Variants in RTL4 observed in about 807,000 individuals in gnomAD.
RTL4 encodes retrotransposon Gag like 4, also known as retrotransposon Gag-like protein 4.
RTL4 carries 4 observed loss-of-function variants against 5.3 expected under a neutral mutation model. That is an observed-to-expected ratio of 0.75 (90% CI 0.37 to 1.72). The LOEUF is 1.72. RTL4 is among the 40% of genes most tolerant of loss of function. The pLI is 0.04. For synonymous variants in RTL4, 98 were observed against 87.3 expected (o/e 1.12, Z -0.68); for missense variants, 260 against 227.1 (o/e 1.14, Z -0.93).
chrX:112,334,911 A>G, the RTL4 span, among the ~76,000 whole-genome samples: 2 of 111,840 alleles, frequency 1.8e-5, no homozygotes, highest in East Asian at 2.8e-4. Flanking sequence ...ATTCATAACA[A>G]TGTTGGTTGG....
At chrX:112,285,792 G>T in the RTL4 span, among the ~76,000 whole-genome samples, 1 of 110,913 alleles carries the variant, frequency 9.0e-6, no homozygotes, top group Non-Finnish European at 1.9e-5. Context: ...GTACTATGTA[G>T]CTTCTTACTG....
chrX:112,126,479 T>G, the RTL4 span, among the ~76,000 whole-genome samples: 1 of 110,968 alleles, frequency 9.0e-6, no homozygotes, highest in African/African-American at 3.3e-5. Flanking sequence ...AAGACAGATC[T>G]CAAATCAATA....
the RTL4 span, among the ~76,000 whole-genome samples, chrX:112,164,246 G>A: frequency 9.0e-6 from 1 of 110,936 alleles, no homozygotes; most frequent in Non-Finnish European, 1.9e-5. Context: ...GGAGAAGAGT[G>A]CATGGTAAAC....
At chrX:112,405,809 C>T in the RTL4 span, among the ~76,000 whole-genome samples, 1 of 110,822 alleles carries the variant, frequency 9.0e-6, no homozygotes, top group Non-Finnish European at 1.9e-5. Context: ...CTTCATATCA[C>T]TGAAAGAGGC....
the RTL4 span, among the ~76,000 whole-genome samples, chrX:112,199,311 C>T: frequency 9.6e-6 from 1 of 104,612 alleles, no homozygotes; most frequent in Admixed American, 1.0e-4. Context: ...AAAAAAAAGA[C>T]CTGAGGCAGA....
the RTL4 span, among the ~76,000 whole-genome samples, chrX:112,263,886 G>T: frequency 9.0e-6 from 1 of 111,526 alleles, no homozygotes; most frequent in Non-Finnish European, 1.9e-5. Context: ...CCTTGAATTC[G>T]TGCAATTTTT....
At chrX:112,150,228 A>G in the RTL4 span, among the ~76,000 whole-genome samples, 1 of 111,747 alleles carries the variant, frequency 8.9e-6, no homozygotes, top group Non-Finnish European at 1.9e-5. Flanking sequence ...GCTGAAATAA[A>G]TGATGGTGAT....
At chrX:112,306,383 C>T in the RTL4 span, among the ~76,000 whole-genome samples, 1 of 111,322 alleles carries the variant, frequency 9.0e-6, no homozygotes, top group Non-Finnish European at 1.9e-5. Context: ...TGCAGGGCTC[C>T]AGGAGAAGAA....
At chrX:112,169,071 T>TCTTC in the RTL4 span, among the ~76,000 whole-genome samples, 2 of 61,022 alleles carry the variant, frequency 3.3e-5, no homozygotes, top group African/African-American at 6.6e-5. Flanking sequence ...TTTCTTTCTT[T>TCTTC]TTTCTTTCTT....
At chrX:112,245,780 T>C in the RTL4 span, among the ~76,000 whole-genome samples, 1 of 112,518 alleles carries the variant, frequency 8.9e-6, no homozygotes, top group Non-Finnish European at 1.9e-5. Flanking sequence ...AGAGGCACTC[T>C]GATTTTCAGA....
the RTL4 span, among the ~76,000 whole-genome samples, chrX:112,448,450 T>C: frequency 2.7e-5 from 3 of 111,689 alleles, no homozygotes; most frequent in African/African-American, 9.8e-5. Flanking sequence ...GAGGGTCATA[T>C]TCCAGATTGC....
the RTL4 span, among the ~76,000 whole-genome samples, chrX:112,157,064 TTGTG>T: frequency 0.029 from 2,837 of 96,454 alleles, 96 homozygotes; most frequent in Admixed American, 0.1. Context: ...GTTATACTGT[TTGTG>T]TGTGTGTGTG....
At chrX:112,101,359 A>T in the RTL4 span, among the ~76,000 whole-genome samples, 503 of 112,200 alleles carry the variant, frequency 4.5e-3, 3 homozygotes, top group African/African-American at 0.015. Context: ...AAGCATGTTA[A>T]CAATTTAGGG....
At chrX:112,278,935 C>T in the RTL4 span, among the ~76,000 whole-genome samples, 1 of 111,411 alleles carries the variant, frequency 9.0e-6, no homozygotes, top group Non-Finnish European at 1.9e-5. Context: ...ATTTAGAGAG[C>T]AGCTGCAATG....
the RTL4 span, among the ~76,000 whole-genome samples, chrX:112,273,055 G>GA: frequency 0.066 from 7,348 of 111,238 alleles, 567 homozygotes; most frequent in African/African-American, 0.23. Flanking sequence ...GTCAAAACAA[G>GA]ATGTTCTTTT....
the RTL4 span, among the ~76,000 whole-genome samples, chrX:112,242,264 T>C: frequency 8.9e-6 from 1 of 112,087 alleles, no homozygotes; most frequent in South Asian, 3.8e-4. Flanking sequence ...GGGATGGCAT[T>C]GAATCTATAA....
the RTL4 span, among the ~76,000 whole-genome samples, chrX:112,172,194 G>A: frequency 2.7e-4 from 30 of 110,850 alleles, no homozygotes; most frequent in East Asian, 2.6e-3. Flanking sequence ...GTGTAGCAGC[G>A]GGCACCTGTA....
At chrX:112,275,058 T>C in the RTL4 span, among the ~76,000 whole-genome samples, 6 of 111,375 alleles carry the variant, frequency 5.4e-5, no homozygotes, top group East Asian at 1.7e-3. Context: ...ACACCTAATA[T>C]GTGGAAAAGC....
At chrX:112,303,600 C>T in the RTL4 span, among the ~76,000 whole-genome samples, 1 of 58,480 alleles carries the variant, frequency 1.7e-5, no homozygotes, top group African/African-American at 7.9e-5. Context: ...CACTCTGGGG[C>T]CTGTTGTGGG....
Sources: allele counts gnomAD v4.1 joint callset (sites outside exome capture counted in the v4.1 genomes callset), GRCh38; gene constraint gnomAD v4.1.1; transcripts MANE v1.5; gene names NCBI Gene and HGNC (gene_info 2026-07-23, HGNC 2026-07-21).